The following SPRED3 variants were observed in gnomAD, a reference collection of about 807,000 sequenced individuals.
SPRED3 encodes sprouty related EVH1 domain containing 3.
In SPRED3, 23 loss-of-function variants were observed where a neutral mutation model predicts 37.6. The ratio of observed to expected loss-of-function variants is 0.61; its 90% CI spans 0.44 to 0.87. The LOEUF (loss-of-function observed/expected upper bound fraction) is 0.87. SPRED3 is among the 40% of genes least tolerant of loss of function. The pLI is 0.00. For synonymous variants in SPRED3, 302 were observed against 279.6 expected (o/e 1.08, Z -0.80); for missense variants, 584 against 618.6 (o/e 0.94, Z 0.59).
intron 4 of SPRED3, among the ~76,000 whole-genome samples, chr19:38,392,975 A>G (rs1970851089): frequency 6.6e-6 from 1 of 152,182 alleles, no homozygotes; most frequent in African/African-American, 2.4e-5. Context: ...ACTCAAGTAA[A>G]GGACAAAGTC....
chr19:38,394,345 C>T (rs763317322), intron 4 of SPRED3: 1 of 1,541,842 alleles, frequency 6.5e-7, no homozygotes, highest in East Asian at 2.6e-5. Flanking sequence ...ACAAAAATAA[C>T]AATAACCATT....
chr19:38,391,902 G>A (rs771959433), intron 2 of SPRED3, 44 bp from the exon 3 acceptor site: 1 of 1,605,920 alleles, frequency 6.2e-7, no homozygotes, highest in South Asian at 1.1e-5. Context: ...TCACAGGCAT[G>A]TCTGGGTTGG....
rs1301064718 is a variant in SPRED3, at chr19:38,395,754, C to T, written c.842C>T (p.Ser281Phe). 4.1e-6 allele frequency: 6 copies of T among 1,462,528 alleles called. No individual in the cohort carries two copies. The highest frequency in any genetic ancestry group is 5.4e-6 in the Non-Finnish European group (6 of 1,116,580). 90.6% of individuals were successfully genotyped at this position (1,462,528 alleles called of 1,614,324 possible). A position where few individuals can be genotyped will look rare whatever the true frequency, so the allele number is the denominator to read the frequency against. Residue 281 changes from serine (S) to phenylalanine (F), a missense_variant, in exon 6 of 6, where the codon TCC (serine) becomes TTC (phenylalanine). Around this residue, in one of 7 missense-constraint regions of SPRED3, gnomAD observed 310 missense variants for 281.1 expected, o/e 1.10. Transcript: ENST00000691638. This position sits in a 1 kb window ranked among gnomAD's most constrained non-coding sequence, Gnocchi z 5.2. ...CGCCCACCCCCCGGCCCGGGCCCAT[C>T]CTCTGCGCCTGCCAAGGCCTCCCCG... ...PARPPPGPGP[S>F]SAPAKASPEA...
chr19:38,390,894 T>C (rs985325778), intron 2 of SPRED3, among the ~76,000 whole-genome samples: 1 of 152,038 alleles, frequency 6.6e-6, no homozygotes, highest in Non-Finnish European at 1.5e-5. Flanking sequence ...GTGAAGCATT[T>C]GCTGGGGTCC....
rs1357060019 is a variant in SPRED3 at position 38,397,713 on chromosome 19, C to G, written c.*1568C>G. 1 of 152,228 alleles carries G rather than the reference C, an allele frequency of 6.6e-6. No homozygotes were observed. Among genetic ancestry groups the G allele is most frequent in the Non-Finnish European group, 1.5e-5 (1 of 68,086 alleles). 9.4% of individuals were successfully genotyped at this position (152,228 alleles called of 1,614,324 possible). ...TCCCAAGGATCCCAGCCCAAGCCCC[C>G]AGCAATCCTCAGAATTACCCCTTTA... On this transcript the variant is annotated 3_prime_UTR_variant, in exon 6 of 6. Transcript: ENST00000691638.
In SPRED3 at chr19:38,395,691, C is replaced by T. The variant is rs1303462482; in HGVS notation, c.779C>T (p.Ala260Val). The T allele has an allele frequency of 6.8e-7, 1 of 1,480,762 alleles. No homozygotes were observed. The highest frequency in any genetic ancestry group is 1.3e-5 in the South Asian group (1 of 76,258). The allele number at this position is 1,480,762 out of a possible 1,614,324, so 91.7% of individuals were successfully genotyped here. A position where few individuals can be genotyped will look rare whatever the true frequency, so the allele number is the denominator to read the frequency against. ...CTGGGTCCCCCAGCGGCACTACCTG[C>T]CCCTTTGACCGAGGCTGCGCCCCCA... ...AALGPPAALPAPLTEAAPPAP... is the reference protein window; with the variant it reads ...AALGPPAALPVPLTEAAPPAP... Residue 260 changes from alanine to valine, a missense_variant, in exon 6 of 6, where the codon GCC (alanine) becomes GTC (valine). Physicochemically the swap from Ala to Val is moderately conservative, Grantham distance 64 (BLOSUM62 0). Coordinates refer to ENST00000691638, the MANE Select transcript of SPRED3 (RefSeq NM_001394336.1). The surrounding 1 kb of genome is among the most constrained non-coding windows in gnomAD (Gnocchi z 5.2).
intron 4 of SPRED3, among the ~76,000 whole-genome samples, chr19:38,393,546 C>T (rs1454392984): frequency 6.6e-6 from 1 of 151,994 alleles, no homozygotes; most frequent in Non-Finnish European, 1.5e-5. Flanking sequence ...CTATGTTGGT[C>T]AGGCTGATCT....
Position 38,394,718 on chromosome 19 carries a change from A to G in SPRED3, c.499A>G (p.Ile167Val). Residue 167 changes from isoleucine (I) to valine (V), a missense_variant, in exon 5 of 6, where the codon ATC (isoleucine) becomes GTC (valine). Transcript: ENST00000691638. ...TCCCAGCGCCGCTGCGGCCCCCATC[A>G]TCACGATGGAGTCAGCTTCAGGCTT... Reference protein sequence around the residue: ...TPPSAAAAPIITMESASGFGP... With the variant: ...TPPSAAAAPIVTMESASGFGP... The G allele has an allele frequency of 6.3e-7, 1 of 1,593,622 alleles. No homozygotes were observed. The highest frequency in any genetic ancestry group is 8.5e-7 in the Non-Finnish European group (1 of 1,172,730).
In SPRED3 at chr19:38,390,433, G is replaced by A. The variant is rs760297394; in HGVS notation, c.131G>A (p.Arg44His). Residue 44 changes from arginine to histidine, a missense_variant, in exon 2 of 6, where the codon CGC becomes CAC. This residue lies in a region of SPRED3 where 88 missense variants were observed against 77.0 expected (regional missense o/e 1.14). Transcript: ENST00000691638. ...VRGARPEGGA[R>H]QGHYVIHGER... ...GGGGCCAGGCCCGAGGGGGGGGCCC[G>A]CCAGGGGCACTACGTCATCCACGGG... The A allele has an allele frequency of 1.3e-5, 18 of 1,401,728 alleles. No individual in the cohort carries two copies. Among genetic ancestry groups the A allele is most frequent in the South Asian group, 3.6e-5 (2 of 55,770 alleles). The allele number at this position is 1,401,728 out of a possible 1,614,324, so 86.8% of individuals were successfully genotyped here.
At chr19:38,391,103 T>C (rs993465062) in intron 2 of SPRED3, among the ~76,000 whole-genome samples, 3 of 147,578 alleles carry the variant, frequency 2.0e-5, no homozygotes, top group Admixed American at 2.0e-4. Flanking sequence ...TGAAATGGAG[T>C]GAAGGAATAT....
intron 4 of SPRED3, among the ~76,000 whole-genome samples, chr19:38,393,086 G>A (rs897254185): frequency 6.6e-6 from 1 of 152,044 alleles, no homozygotes; most frequent in African/African-American, 2.4e-5. Flanking sequence ...TTATTCTAAC[G>A]TGGCAGGCAC....
rs1970923783 is a variant in SPRED3 at position 38,398,387 on chromosome 19, C to T, written c.*2242C>T. On this transcript the variant is annotated 3_prime_UTR_variant, in exon 6 of 6. Transcript: ENST00000691638. Reference sequence around the variant, plus strand: ...GAGTAGCTGGGATAACAGGCATGTGCCACCACACCCAGCTAATTTTTTGTA... The same window carrying T: ...GAGTAGCTGGGATAACAGGCATGTGTCACCACACCCAGCTAATTTTTTGTA... The T allele has an allele frequency of 6.6e-6, 1 of 152,222 alleles. No homozygotes were observed. The highest frequency in any genetic ancestry group is 1.5e-5 in the Non-Finnish European group (1 of 68,096). 9.4% of individuals were successfully genotyped at this position (152,222 alleles called of 1,614,324 possible).
At chr19:38,392,438 C>A in intron 4 of SPRED3, 150 bp downstream of exon 4, 1 of 846,350 alleles carries the variant, frequency 1.2e-6, no homozygotes, top group Non-Finnish European at 1.7e-6. Flanking sequence ...AATTCAATCC[C>A]AGTTATTCTA....
At position 38,392,298 on chromosome 19, in the gene SPRED3, C is replaced by G; in HGVS notation, c.423+10C>G. 1 of 1,527,108 alleles carries G rather than the reference C, an allele frequency of 6.5e-7. No individual in the cohort carries two copies. The highest frequency in any genetic ancestry group is 2.3e-5 in the Admixed American group (1 of 44,024). The allele number at this position is 1,527,108 out of a possible 1,614,324, so 94.6% of individuals were successfully genotyped here. A position where few individuals can be genotyped will look rare whatever the true frequency, so the allele number is the denominator to read the frequency against. ...CCCCTGCCCTCTGACGGTGAGTGTC[C>G]AGGATGCCTCTCTGCTGGGGGAGGG... On this transcript the variant is annotated intron_variant, in intron 4 of 5. Coordinates refer to ENST00000691638, the MANE Select transcript of SPRED3 (RefSeq NM_001394336.1).
At position 38,396,605 on chromosome 19, in the gene SPRED3, T is replaced by C. The variant is rs754028326; in HGVS notation, c.*460T>C. 3 of 152,734 alleles carry C rather than the reference T, an allele frequency of 2.0e-5. No homozygotes were observed. The highest frequency in any genetic ancestry group is 6.5e-5 in the Admixed American group (1 of 15,270). The allele number at this position is 152,734 out of a possible 1,614,324, so 9.5% of individuals were successfully genotyped here. A position where few individuals can be genotyped will look rare whatever the true frequency, so the allele number is the denominator to read the frequency against. On this transcript the variant is annotated 3_prime_UTR_variant, in exon 6 of 6. Transcript: ENST00000691638. ...TTTATTCAACTCCCAGATCAGATCT[T>C]GAGACCATAGGACCTGGAGTCACCC...
At position 38,395,585 on chromosome 19, in the gene SPRED3, C is replaced by T. The variant is rs375007950; in HGVS notation, c.673C>T (p.Arg225Cys). Residue 225 changes from arginine to cysteine, a missense_variant, in exon 6 of 6, where the codon CGC becomes TGC. By Grantham distance (180) the Arg-to-Cys change is radical. Around this residue, in one of 7 missense-constraint regions of SPRED3, gnomAD observed 310 missense variants for 281.1 expected, o/e 1.10. Transcript: ENST00000691638. The surrounding 1 kb of genome is among the most constrained non-coding windows in gnomAD (Gnocchi z 5.2). ...WGGRGYEDYR[R>C]SGPPAPLALS... ...CGGCCGCGGCTACGAGGATTACCGGCGCTCCGGGCCACCCGCGCCCCTCGC... is the reference window on the plus strand; with the variant it reads ...CGGCCGCGGCTACGAGGATTACCGGTGCTCCGGGCCACCCGCGCCCCTCGC... 5 of 1,551,300 alleles carry T rather than the reference C, an allele frequency of 3.2e-6. No homozygotes were observed. In the East Asian group the frequency reaches 1.3e-4, roughly 39 times the overall value.
At chr19:38,393,768 A>G (rs1284209121) in intron 4 of SPRED3, among the ~76,000 whole-genome samples, 3 of 152,204 alleles carry the variant, frequency 2.0e-5, no homozygotes, top group Non-Finnish European at 4.4e-5. Flanking sequence ...TTTAGTAAAT[A>G]TGTGTTGAAT....
rs912609748 is a variant in SPRED3 at position 38,394,798 on chromosome 19, G to C, written c.567+12G>C. 1 of 1,543,962 alleles carries C rather than the reference G, an allele frequency of 6.5e-7. No homozygotes were observed. The highest frequency in any genetic ancestry group is 8.7e-7 in the Non-Finnish European group (1 of 1,147,736). ...GCTCCTCCGCTCAGGTGCGACCTGGGAGCCTGGGGCTCCTGGGGGAATGGG... is the reference window on the plus strand; with the variant it reads ...GCTCCTCCGCTCAGGTGCGACCTGGCAGCCTGGGGCTCCTGGGGGAATGGG... On this transcript the variant is annotated intron_variant, in intron 5 of 5. Transcript: ENST00000691638.
In SPRED3 at chr19:38,396,004, C is replaced by A; in HGVS notation, c.1092C>A (p.Ala364=). 7.1e-7 allele frequency: 1 copy of A among 1,416,270 alleles called. No individual in the cohort carries two copies. Among genetic ancestry groups the A allele is most frequent in the Non-Finnish European group, 9.2e-7 (1 of 1,091,238 alleles). 87.7% of individuals were successfully genotyped at this position (1,416,270 alleles called of 1,614,324 possible). ...GCGAGCCGGGCCACCCGCGCCCCGC[C>A]GCGCGCTGGGCCGCGCTGGCCGCGC... ...CACEPGHPRP[A]ARWAALAALS... Residue 364 remains alanine, a synonymous_variant, in exon 6 of 6, where the codon GCC becomes GCA. Transcript: ENST00000691638.
Sources: allele counts gnomAD v4.1 joint callset (sites outside exome capture counted in the v4.1 genomes callset), GRCh38; gene constraint gnomAD v4.1.1; regional missense constraint gnomAD v4.1.1; non-coding constraint Gnocchi (gnomAD v3.1); transcripts MANE v1.5; gene names NCBI Gene and HGNC (gene_info 2026-07-23, HGNC 2026-07-21).